The following CAMKMT variants were observed in gnomAD, a reference collection of about 807,000 sequenced individuals.
The protein encoded by CAMKMT is calmodulin-lysine N-methyltransferase.
In CAMKMT, 53 loss-of-function variants were observed where a neutral mutation model predicts 48.0. The observed-to-expected ratio is 1.10, with a 90% confidence interval of 0.89 to 1.39. The LOEUF is 1.39. Among genes scored for constraint, CAMKMT ranks in the 40% most tolerant of loss-of-function variants. The pLI is 0.00. For synonymous variants in CAMKMT, 165 were observed against 152.3 expected (o/e 1.08, Z -0.61); for missense variants, 428 against 402.7 (o/e 1.06, Z -0.54).
At chr2:44,374,519 T>G (rs1041112608) in intron 2 of CAMKMT, among the ~76,000 whole-genome samples, 1 of 152,174 alleles carries the variant, frequency 6.6e-6, no homozygotes, top group Admixed American at 6.5e-5. Flanking sequence ...AAGTATAAAT[T>G]ATAGCAAGAA....
chr2:44,642,868 G>A lies in CAMKMT; in HGVS notation c.377-61415G>A, dbSNP rs1673522577. Among the ~76,000 whole-genome samples, 2 of 152,096 alleles carry A rather than the reference G, an allele frequency of 1.3e-5. 1 individual carries two copies. Among genetic ancestry groups the A allele is most frequent in the South Asian group, 4.2e-4 (2 of 4,812 alleles). On this transcript the variant is annotated intron_variant, in intron 3 of 10. Transcript: ENST00000378494. ...TGAAATGGTTAATTTTTCTTTGTCT[G>A]AATAAAGATAGAACATACAATTACC...
intron 3 of CAMKMT, among the ~76,000 whole-genome samples, chr2:44,532,101 G>A (rs1666515477): frequency 6.6e-6 from 1 of 152,112 alleles, no homozygotes; most frequent in African/African-American, 2.4e-5. Context: ...TCTGAATACG[G>A]CTACTTGCTG....
At chr2:44,472,074 A>G (rs1668449705) in intron 3 of CAMKMT, among the ~76,000 whole-genome samples, 1 of 152,018 alleles carries the variant, frequency 6.6e-6, no homozygotes, top group Admixed American at 6.6e-5. Context: ...TAAATGGGCA[A>G]TTATTTTTTG....
intron 3 of CAMKMT, among the ~76,000 whole-genome samples, chr2:44,559,550 C>CTT (rs140109439): frequency 1.4e-4 from 21 of 150,820 alleles, no homozygotes; most frequent in South Asian, 2.1e-4. Context: ...TACATAACCA[C>CTT]TTTTTTTTTA....
intron 2 of CAMKMT, among the ~76,000 whole-genome samples, chr2:44,376,378 G>T (rs567729718): frequency 1.3e-5 from 2 of 150,098 alleles, no homozygotes; most frequent in Non-Finnish European, 3.0e-5. Flanking sequence ...ATGAGATTGT[G>T]CCACTGAACT....
At chr2:44,730,467 A>AC (rs1446094111) in intron 7 of CAMKMT, among the ~76,000 whole-genome samples, 7 of 152,226 alleles carry the variant, frequency 4.6e-5, no homozygotes, top group Non-Finnish European at 1.0e-4. Context: ...TACTTGAGGA[A>AC]CATGTCCTCA....
chr2:44,592,354 A>G (rs893232357), intron 3 of CAMKMT, among the ~76,000 whole-genome samples: 1 of 152,136 alleles, frequency 6.6e-6, no homozygotes, highest in Non-Finnish European at 1.5e-5. Flanking sequence ...TAAGTTGTCA[A>G]ACTTACTGGC....
At chr2:44,733,242 C>CT (rs1367344551) in intron 7 of CAMKMT, among the ~76,000 whole-genome samples, 6 of 152,122 alleles carry the variant, frequency 3.9e-5, no homozygotes. Context: ...TCAGAATTAT[C>CT]TTTAAGTGTT....
rs72870538 is a variant in CAMKMT at position 44,716,389 on chromosome 2, A to G, written c.623+1036A>G. On this transcript the variant is annotated intron_variant, in intron 7 of 10. Coordinates refer to ENST00000378494, the MANE Select transcript of CAMKMT (RefSeq NM_024766.5). ...GCTGGCTTCGGACATGAAAATAGCT[A>G]CAATGCTTAAAAACCAAAGTGATGA... Among the ~76,000 whole-genome samples, 696 of 152,284 alleles carry G rather than the reference A, an allele frequency of 4.6e-3. 4 individuals carry two copies. Among genetic ancestry groups the G allele is most frequent in the African/African-American group, 0.016 (681 of 41,556 alleles).
chr2:44,718,228 G>A (rs930690894), intron 7 of CAMKMT, among the ~76,000 whole-genome samples: 2 of 152,114 alleles, frequency 1.3e-5, no homozygotes, highest in African/African-American at 4.8e-5. Context: ...TCTTCTCTTA[G>A]CTACCAAACT....
chr2:44,555,927 A>G (rs1220734091), intron 3 of CAMKMT, among the ~76,000 whole-genome samples: 2 of 152,126 alleles, frequency 1.3e-5, no homozygotes, highest in Non-Finnish European at 2.9e-5. Context: ...AGAGGCTTCC[A>G]GCAGGGAAGA....
chr2:44,577,510 C>T (rs1433578570), intron 3 of CAMKMT, among the ~76,000 whole-genome samples: 1 of 151,946 alleles, frequency 6.6e-6, no homozygotes, highest in Non-Finnish European at 1.5e-5. Context: ...TGGCAGCTAC[C>T]TGGGAGGCTG....
At chr2:44,594,979 C>G (rs879075475) in intron 3 of CAMKMT, among the ~76,000 whole-genome samples, 6 of 150,720 alleles carry the variant, frequency 4.0e-5, no homozygotes, top group African/African-American at 1.5e-4. Flanking sequence ...ACAACCCCAT[C>G]AAAAAGTGGG....
intron 3 of CAMKMT, among the ~76,000 whole-genome samples, chr2:44,639,371 C>T (rs1673320614): frequency 6.6e-6 from 1 of 152,172 alleles, no homozygotes; most frequent in Non-Finnish European, 1.5e-5. Context: ...TTCTTATGGA[C>T]AGCTTAGCAT....
chr2:44,560,340 G>A (rs1249950591), intron 3 of CAMKMT, among the ~76,000 whole-genome samples: 2 of 152,180 alleles, frequency 1.3e-5, no homozygotes, highest in Admixed American at 1.3e-4. Flanking sequence ...GGAGTGCAGT[G>A]GCATGATCAT....
intron 3 of CAMKMT, among the ~76,000 whole-genome samples, chr2:44,429,223 T>G (rs181761889): frequency 8.4e-4 from 128 of 152,096 alleles, no homozygotes; most frequent in Middle Eastern, 3.4e-3. Context: ...CAATGTGGAA[T>G]GTGTTTGCTT....
intron 3 of CAMKMT, among the ~76,000 whole-genome samples, chr2:44,395,786 A>C (rs1343120038): frequency 1.3e-5 from 2 of 152,140 alleles, no homozygotes; most frequent in Non-Finnish European, 2.9e-5. Flanking sequence ...GAATTTTTTC[A>C]GTACCTTTGT....
chr2:44,533,242 A>ATT (rs546325795), intron 3 of CAMKMT, among the ~76,000 whole-genome samples: 267 of 145,360 alleles, frequency 1.8e-3, no homozygotes, highest in South Asian at 3.5e-3. Flanking sequence ...TTAATAACAG[A>ATT]TTTTTTTTTT....
At chr2:44,518,433 C>G (rs899132370) in intron 3 of CAMKMT, among the ~76,000 whole-genome samples, 7 of 152,242 alleles carry the variant, frequency 4.6e-5, no homozygotes, top group African/African-American at 1.7e-4. Flanking sequence ...CTAAAGGTCA[C>G]TTCTAAAACA....
Sources: allele counts gnomAD v4.1 joint callset (sites outside exome capture counted in the v4.1 genomes callset), GRCh38; gene constraint gnomAD v4.1.1; transcripts MANE v1.5; gene names NCBI Gene and HGNC (gene_info 2026-07-23, HGNC 2026-07-21).